The following HAUS2 variants were observed in gnomAD, a reference collection of about 807,000 sequenced individuals.
HAUS2 encodes HAUS augmin like complex subunit 2, also known as HAUS augmin-like complex subunit 2.
HAUS2 carries 20 observed loss-of-function variants against 21.6 expected under a neutral mutation model. The ratio of observed to expected loss-of-function variants is 0.93; its 90% CI spans 0.65 to 1.35. The LOEUF is 1.35. Among genes scored for constraint, HAUS2 ranks in the 40% most tolerant of loss-of-function variants. The probability of loss-of-function intolerance (pLI) is 0.00; values close to 1 mark genes in which losing one functional copy is unlikely to be tolerated. For synonymous variants in HAUS2, 113 were observed against 95.6 expected (o/e 1.18, Z -1.06); for missense variants, 297 against 280.7 (o/e 1.06, Z -0.42).
rs532392582 is a variant in HAUS2, at chr15:42,553,572, G to A, written c.93+4607G>A. On this transcript the variant is annotated intron_variant, in intron 1 of 5. Coordinates refer to ENST00000260372, the MANE Select transcript of HAUS2 (RefSeq NM_018097.3). ...AAAATAAGCCTCCACCTCCCTAAGT[G>A]CAGGGATTACAGGTGAGAGCCACTG... 1.6e-4 allele frequency among the ~76,000 whole-genome samples: 24 copies of A among 151,866 alleles called. No homozygotes were observed. The South Asian group carries it at 4.2e-3, about 26-fold the overall frequency.
chr15:42,556,068 T>A (rs2057770133), intron 1 of HAUS2, among the ~76,000 whole-genome samples: 1 of 150,988 alleles, frequency 6.6e-6, no homozygotes, highest in Admixed American at 6.6e-5. Context: ...TGCCTCAGCC[T>A]CCCAAACTAG....
intron 3 of HAUS2, chr15:42,560,930 G>A: frequency 3.0e-6 from 2 of 673,034 alleles, no homozygotes; most frequent in Non-Finnish European, 5.3e-6. Context: ...TAGACTATTA[G>A]AGTCAGGGAT....
intron 1 of HAUS2, among the ~76,000 whole-genome samples, chr15:42,556,500 A>G (rs1194655270): frequency 1.3e-5 from 2 of 151,370 alleles, no homozygotes; most frequent in Non-Finnish European, 2.9e-5. Context: ...CCTGACCTCA[A>G]ATGATCTACC....
rs2057925609 is a variant in HAUS2, at chr15:42,568,217, A to C, written c.*1401A>C. The C allele has an allele frequency of 6.6e-6, 1 of 152,236 alleles. No individual in the cohort carries two copies. The highest frequency in any genetic ancestry group is 1.5e-5 in the Non-Finnish European group (1 of 68,052). The allele number at this position is 152,236 out of a possible 1,614,324, so 9.4% of individuals were successfully genotyped here. A position where few individuals can be genotyped will look rare whatever the true frequency, so the allele number is the denominator to read the frequency against. ...GAACTTAGATATCAGAAGGTATCTT[A>C]GTCTGTTCTGCTGTCATAACAGAAT... On this transcript the variant is annotated 3_prime_UTR_variant, in exon 6 of 6. Coordinates refer to ENST00000260372, the MANE Select transcript of HAUS2 (RefSeq NM_018097.3).
intron 5 of HAUS2, among the ~76,000 whole-genome samples, chr15:42,564,934 C>T (rs979804614): frequency 2.4e-4 from 36 of 152,238 alleles, no homozygotes; most frequent in Non-Finnish European, 4.6e-4. Flanking sequence ...CTCTTGGGTT[C>T]AAGCGATTCT....
In HAUS2 at chr15:42,566,808, G is replaced by GC. The variant is rs772338879; in HGVS notation, c.702dup (p.Lys235GlnfsTer10). 10 of 1,469,052 alleles carry GC rather than the reference G, an allele frequency of 6.8e-6. No individual in the cohort carries two copies. Among genetic ancestry groups the GC allele is most frequent in the Non-Finnish European group, 9.5e-6 (10 of 1,048,928 alleles). The allele number at this position is 1,469,052 out of a possible 1,614,324, so 91.0% of individuals were successfully genotyped here. A position where few individuals can be genotyped will look rare whatever the true frequency, so the allele number is the denominator to read the frequency against. ...TAAAGTTCATGTCCAAACTATTAAT[G>GC]CCAAGTAGTCATCAACTTTATTTTT... On this transcript the variant is annotated frameshift_variant, in exon 6 of 6. Transcript: ENST00000260372. LOFTEE classifies it high-confidence loss of function.
rs1159695444 is a variant in HAUS2 at position 42,569,612 on chromosome 15, G to C, written c.*2796G>C. ...GTTAGCCACTGCGCCTGGCCTCATT[G>C]TACTCCTTAACACAAGAAGACTTCA... On this transcript the variant is annotated 3_prime_UTR_variant, in exon 6 of 6. Transcript: ENST00000260372. 2 of 152,026 alleles carry C rather than the reference G, an allele frequency of 1.3e-5. No individual in the cohort carries two copies. Among genetic ancestry groups the C allele is most frequent in the African/African-American group, 4.8e-5 (2 of 41,398 alleles). The allele number at this position is 152,026 out of a possible 1,614,324, so 9.4% of individuals were successfully genotyped here. A position where few individuals can be genotyped will look rare whatever the true frequency, so the allele number is the denominator to read the frequency against.
chr15:42,555,197 A>G (rs1481935848), intron 1 of HAUS2, among the ~76,000 whole-genome samples: 1 of 151,928 alleles, frequency 6.6e-6, no homozygotes, highest in Non-Finnish European at 1.5e-5. Flanking sequence ...CATGTTGGCC[A>G]GGATGGTCTC....
rs988422355 is a variant in HAUS2 at position 42,569,960 on chromosome 15, A to G, written c.*3144A>G. 2 of 152,162 alleles carry G rather than the reference A, an allele frequency of 1.3e-5. No homozygotes were observed. Among genetic ancestry groups the G allele is most frequent in the African/African-American group, 4.8e-5 (2 of 41,440 alleles). The allele number at this position is 152,162 out of a possible 1,614,324, so 9.4% of individuals were successfully genotyped here. Reference sequence around the variant, plus strand: ...TTTGTTTTCTATTATGCCTTTTTCAAAATATAAAAATAAACTTGTAATTTC... The same window carrying G: ...TTTGTTTTCTATTATGCCTTTTTCAGAATATAAAAATAAACTTGTAATTTC... On this transcript the variant is annotated 3_prime_UTR_variant, in exon 6 of 6. Transcript: ENST00000260372.
At chr15:42,549,080 T>G (rs563660806) in intron 1 of HAUS2, 115 bp downstream of exon 1, 2 of 658,428 alleles carry the variant, frequency 3.0e-6, no homozygotes, top group South Asian at 3.7e-5. Flanking sequence ...GGGTCTGTAC[T>G]AGAGTAATAA....
chr15:42,555,660 T>G (rs1316363546), intron 1 of HAUS2, among the ~76,000 whole-genome samples: 1 of 152,212 alleles, frequency 6.6e-6, no homozygotes, highest in Non-Finnish European at 1.5e-5. Flanking sequence ...AATACCTTTT[T>G]CTTCCCATCC....
In HAUS2 at chr15:42,560,757, T is replaced by G. The variant is rs2057841171; in HGVS notation, c.257-513T>G. ...GCATGTGCCACCATGCCCAGCTAAT[T>G]TTTGTTTTTTCAATTTTTTTGTAGA... On this transcript the variant is annotated intron_variant, in intron 3 of 5. Coordinates refer to ENST00000260372, the MANE Select transcript of HAUS2 (RefSeq NM_018097.3). The G allele has an allele frequency of 4.3e-6, 3 of 700,668 alleles. No individual in the cohort carries two copies. The African/African-American group carries it at 5.2e-5, about 12-fold the overall frequency. The allele number at this position is 700,668 out of a possible 1,614,324, so 43.4% of individuals were successfully genotyped here. A position where few individuals can be genotyped will look rare whatever the true frequency, so the allele number is the denominator to read the frequency against.
Position 42,566,665 on chromosome 15 carries a change from A to G in HAUS2, c.557A>G (p.Asn186Ser). 1 of 1,608,582 alleles carries G rather than the reference A, an allele frequency of 6.2e-7. No homozygotes were observed. The highest frequency in any genetic ancestry group is 1.7e-4 in the Middle Eastern group (1 of 6,052). Reference sequence around the variant, plus strand: ...ACTGAGACAGAAGAACTGGCAGAGAATATACTCAAGTGGCGTAAACAACAA... The same window carrying G: ...ACTGAGACAGAAGAACTGGCAGAGAGTATACTCAAGTGGCGTAAACAACAA... Reference protein sequence around the residue: ...LVTETEELAENILKWRKQQNE... With the variant: ...LVTETEELAESILKWRKQQNE... Residue 186 changes from asparagine (N) to serine (S), a missense_variant, in exon 6 of 6, where the codon AAT becomes AGT. By Grantham distance (46) the Asn-to-Ser change is conservative (BLOSUM62 1). Transcript: ENST00000260372.
chr15:42,557,728 G>C lies in HAUS2; in HGVS notation c.94-470G>C, dbSNP rs76345167. Among the ~76,000 whole-genome samples the C allele has an allele frequency of 3.2e-3, 493 of 151,946 alleles. 7 individuals are homozygous for C. The highest frequency in any genetic ancestry group is 0.011 in the African/African-American group (471 of 41,472). On this transcript the variant is annotated intron_variant, in intron 1 of 5. Transcript: ENST00000260372. ...AATCCTTTAACTAAAAGATGAGAATGTGAACATACACAGTATGAATGACTT... is the reference window on the plus strand; with the variant it reads ...AATCCTTTAACTAAAAGATGAGAATCTGAACATACACAGTATGAATGACTT...
At chr15:42,555,184 C>A (rs2057759691) in intron 1 of HAUS2, among the ~76,000 whole-genome samples, 1 of 151,976 alleles carries the variant, frequency 6.6e-6, no homozygotes, top group Non-Finnish European at 1.5e-5. Context: ...GATGGGGTTT[C>A]ACCATGTTGG....
chr15:42,553,979 C>T (rs975508464), intron 1 of HAUS2, among the ~76,000 whole-genome samples: 1 of 152,170 alleles, frequency 6.6e-6, no homozygotes, highest in Non-Finnish European at 1.5e-5. Flanking sequence ...TCAATTTTGC[C>T]ATCAGTAAAA....
At chr15:42,562,315 G>A (rs890781084) in intron 4 of HAUS2, among the ~76,000 whole-genome samples, 10 of 152,218 alleles carry the variant, frequency 6.6e-5, no homozygotes, top group Admixed American at 5.2e-4. Context: ...ACAAAACAAG[G>A]CTGGGCACAG....
chr15:42,558,504 C>T (rs113743794), intron 2 of HAUS2, among the ~76,000 whole-genome samples: 7,109 of 151,294 alleles, frequency 0.047, 556 homozygotes, highest in African/African-American at 0.16. Context: ...ATTTTTTGTA[C>T]TTTTAGTAGA....
intron 1 of HAUS2, among the ~76,000 whole-genome samples, chr15:42,555,235 C>T (rs933659280): frequency 1.3e-5 from 2 of 152,052 alleles, no homozygotes; most frequent in Non-Finnish European, 2.9e-5. Flanking sequence ...ATCTGCCCAC[C>T]TCGGCCTCCC....
Sources: gnomAD v4.1 joint callset for allele counts (sites outside exome capture counted in the v4.1 genomes callset) on GRCh38, gnomAD v4.1.1 for gene constraint, MANE v1.5 for transcripts, NCBI Gene and HGNC (gene_info 2026-07-23, HGNC 2026-07-21) for gene names.